The following SCN10A variants were observed in gnomAD, a reference collection of about 807,000 sequenced individuals.
The protein encoded by SCN10A is sodium voltage-gated channel alpha subunit 10, also known as sodium channel protein type 10 subunit alpha.
Under a neutral mutation model 170.7 loss-of-function variants are expected in SCN10A, and 162 were observed. The observed-to-expected ratio is 0.95, with a 90% CI of 0.84 to 1.08. The LOEUF (loss-of-function observed/expected upper bound fraction) is 1.08. Ranked by LOEUF, SCN10A falls within the 50% of genes least tolerant of loss-of-function variation. The probability of loss-of-function intolerance (pLI) is 0.00; values close to 1 mark genes in which losing one functional copy is unlikely to be tolerated. For missense variants in SCN10A, 2,527 were observed against 2,436.9 expected, an observed-to-expected ratio of 1.04 and a Z score of -0.78; for synonymous variants, 985 against 904.6, an observed-to-expected ratio of 1.09 and a Z score of -1.59.
At position 38,712,999 on chromosome 3, in the gene SCN10A, T is replaced by A. The variant is rs976592482; in HGVS notation, c.3805-554A>T. Among the ~76,000 whole-genome samples, 5 of 152,376 alleles carry A rather than the reference T, an allele frequency of 3.3e-5. No individual in the cohort carries two copies. The South Asian group carries it at 1.0e-3, about 32-fold the overall frequency. ...CAAGTTAATTTCAAAAGCCCACTTT[T>A]GTTTTTGAAGCTATGATGACTACTT... On this transcript the variant is annotated intron_variant, in intron 22 of 27. Coordinates refer to ENST00000449082, the MANE Select transcript of SCN10A (RefSeq NM_006514.4).
At chr3:38,743,942 C>T (rs1019589516) in intron 13 of SCN10A, among the ~76,000 whole-genome samples, 7 of 152,128 alleles carry the variant, frequency 4.6e-5, no homozygotes, top group African/African-American at 1.2e-4. Context: ...GTGTTCACCT[C>T]GATGGAGGGC....
rs113743626 is a variant in SCN10A at position 38,786,896 on chromosome 3, G to A, written c.470+2060C>T. On this transcript the variant is annotated intron_variant, in intron 4 of 27. Transcript: ENST00000449082. Reference sequence around the variant, plus strand: ...TATTCTGACCAATCTTACACCAATGGCACACTGCTTCAATTAGAGCTTTAT... The same window carrying A: ...TATTCTGACCAATCTTACACCAATGACACACTGCTTCAATTAGAGCTTTAT... 3.6e-3 allele frequency among the ~76,000 whole-genome samples: 553 copies of A among 152,220 alleles called. 5 individuals carry two copies. The highest frequency in any genetic ancestry group is 0.013 in the African/African-American group (532 of 41,546).
Position 38,792,113 on chromosome 3 carries a change from G to C in SCN10A, c.326C>G (p.Ala109Gly). The change falls in exon 3 of 28, where the codon GCC (alanine) becomes GGC (glycine). Residue 109 changes from alanine to glycine, a missense_variant. Physicochemically the swap from Ala to Gly is moderately conservative, Grantham distance 60. Transcript: ENST00000449082. ...GTTGAAAGGACTGAATAGCCACAGG[G>C]CCCGAGTGGCACTAAACCGGGAAAT... ...RTISRFSATR[A>G]LWLFSPFNLI... is the part of the protein sequence containing the mutation. The C allele has an allele frequency of 6.2e-7, 1 of 1,613,880 alleles. No homozygotes were observed. The highest frequency in any genetic ancestry group is 2.2e-5 in the East Asian group (1 of 44,876).
chr3:38,729,319 T>C (rs1353632231), intron 15 of SCN10A, among the ~76,000 whole-genome samples: 3 of 152,184 alleles, frequency 2.0e-5, no homozygotes, highest in Admixed American at 6.5e-5. Flanking sequence ...GGGTAGGGGA[T>C]GACCCACTGC....
intron 1 of SCN10A, among the ~76,000 whole-genome samples, chr3:38,801,784 G>A (rs1335976436): frequency 6.6e-6 from 1 of 152,162 alleles, no homozygotes; most frequent in Non-Finnish European, 1.5e-5. Context: ...GTAAGCAAAA[G>A]TGTAAGATTT....
chr3:38,727,297 GC>G (rs1274649454), intron 16 of SCN10A, among the ~76,000 whole-genome samples: 3 of 152,172 alleles, frequency 2.0e-5, no homozygotes, highest in Non-Finnish European at 4.4e-5. Flanking sequence ...TAAAGGAGGA[GC>G]CCCCCGCTGA....
At chr3:38,785,753 C>T (rs1473914584) in intron 4 of SCN10A, among the ~76,000 whole-genome samples, 1 of 151,800 alleles carries the variant, frequency 6.6e-6, no homozygotes, top group Non-Finnish European at 1.5e-5. Context: ...GGCTAATATC[C>T]AGAATCTACA....
intron 1 of SCN10A, among the ~76,000 whole-genome samples, chr3:38,801,956 G>A (rs1313664728): frequency 6.6e-6 from 1 of 151,974 alleles, no homozygotes; most frequent in Non-Finnish European, 1.5e-5. Flanking sequence ...CCCCTTTAAT[G>A]CTCCATAAAC....
intron 13 of SCN10A, among the ~76,000 whole-genome samples, chr3:38,746,097 A>ATATATC (rs1559439571): frequency 2.3e-5 from 2 of 87,114 alleles, no homozygotes; most frequent in Non-Finnish European, 5.1e-5. Context: ...ATATATATAT[A>ATATATC]TATGCCATCT....
chr3:38,771,968 G>T (rs775245150), intron 4 of SCN10A, among the ~76,000 whole-genome samples: 21 of 152,216 alleles, frequency 1.4e-4, no homozygotes, highest in Non-Finnish European at 2.1e-4. Context: ...AGGGCTGAAA[G>T]AATTGCTTGA....
intron 5 of SCN10A, among the ~76,000 whole-genome samples, chr3:38,765,166 G>A (rs1250433645): frequency 1.3e-5 from 2 of 152,136 alleles, no homozygotes; most frequent in Non-Finnish European, 2.9e-5. Flanking sequence ...TGGGTTGTCT[G>A]TTTACTTGGA....
intron 17 of SCN10A, among the ~76,000 whole-genome samples, 198 bp downstream of exon 17, chr3:38,726,408 C>G (rs1020433786): frequency 4.6e-5 from 7 of 152,314 alleles, no homozygotes; most frequent in South Asian, 2.1e-4. Flanking sequence ...TGCTGCCCCC[C>G]ACTCCCTGTT....
chr3:38,738,944 A>G (rs1401303778), intron 15 of SCN10A, among the ~76,000 whole-genome samples: 5 of 152,200 alleles, frequency 3.3e-5, no homozygotes, highest in Admixed American at 2.6e-4. Context: ...GATTTCGGGC[A>G]CAAGGGAATC....
rs765953951 is a variant in SCN10A, at chr3:38,698,444, C to T, written c.4776G>A (p.Gly1592=). ...RILRLIRAAK[G]IRTLLFALMM... is the part of the protein sequence containing the mutation. ...TGAGGGCAAAGAGCAGTGTGCGGAT[C>T]CCCTTGGCCGCTCGGATCAGTCTGA... The change falls in exon 28 of 28, where the codon GGG becomes GGA. Residue 1592 remains glycine, a synonymous_variant. Coordinates refer to ENST00000449082, the MANE Select transcript of SCN10A (RefSeq NM_006514.4). 1.2e-5 allele frequency: 20 copies of T among 1,614,078 alleles called. No homozygotes were observed. The highest frequency in any genetic ancestry group is 1.7e-5 in the Admixed American group (1 of 60,010).
intron 27 of SCN10A, among the ~76,000 whole-genome samples, chr3:38,700,328 C>T (rs539627192): frequency 1.2e-4 from 18 of 152,244 alleles, no homozygotes; most frequent in African/African-American, 4.1e-4. Flanking sequence ...GTACAAACTT[C>T]CAGTTATGTG....
chr3:38,809,594 G>A (rs1365830980), intron 1 of SCN10A, among the ~76,000 whole-genome samples: 13 of 152,166 alleles, frequency 8.5e-5, no homozygotes, highest in Admixed American at 4.6e-4. Context: ...ATGGGTTAGT[G>A]GTTAGTAGAC....
intron 1 of SCN10A, among the ~76,000 whole-genome samples, chr3:38,803,825 C>T (rs1468290843): frequency 6.6e-6 from 1 of 151,936 alleles, no homozygotes; most frequent in Admixed American, 6.6e-5. Context: ...TTAAATTACC[C>T]ATTACTTCTC....
At chr3:38,782,901 A>G (rs1409514285) in intron 4 of SCN10A, among the ~76,000 whole-genome samples, 2 of 152,162 alleles carry the variant, frequency 1.3e-5, no homozygotes, top group Non-Finnish European at 2.9e-5. Flanking sequence ...GCCTTAACAA[A>G]ATACCATAGA....
intron 18 of SCN10A, among the ~76,000 whole-genome samples, chr3:38,723,878 C>T (rs911248809): frequency 1.3e-5 from 2 of 152,230 alleles, no homozygotes; most frequent in Admixed American, 1.3e-4. Flanking sequence ...TATAATGTCT[C>T]CAGATGAATT....
Sources: gnomAD v4.1 joint callset for allele counts (sites outside exome capture counted in the v4.1 genomes callset) on GRCh38, gnomAD v4.1.1 for gene constraint, MANE v1.5 for transcripts, NCBI Gene and HGNC (gene_info 2026-07-23, HGNC 2026-07-21) for gene names.